Variants in NCBP2L observed in about 807,000 individuals in gnomAD.
The protein encoded by NCBP2L is nuclear cap-binding protein subunit 2-like.
For synonymous variants in NCBP2L, 39 were observed against 19.2 expected, an observed-to-expected ratio of 2.04 and a Z score of -2.70; for missense variants, 95 against 53.1, an observed-to-expected ratio of 1.79 and a Z score of -2.45.
chrX:107,783,912 A>G (rs1930362695), intron 1 of NCBP2L, among the ~76,000 whole-genome samples: 1 of 98,942 alleles, frequency 1.0e-5, no homozygotes, highest in African/African-American at 4.2e-5. Context: ...AGCACAGGCA[A>G]GTAAAGAGAC....
In NCBP2L at chrX:107,791,250, CT is replaced by C. The variant is rs904532189; in HGVS notation, c.-72-2887del. 2.6e-3 allele frequency among the ~76,000 whole-genome samples: 274 copies of C among 105,713 alleles called. 1 individual carries two copies. Among genetic ancestry groups the C allele is most frequent in the Middle Eastern group, 4.8e-3 (1 of 209 alleles). 91.8% of individuals were successfully genotyped at this position (105,713 alleles called of 115,157 possible). On this transcript the variant is annotated intron_variant, in intron 1 of 1. Transcript: ENST00000509000. ...TTGAAAGTAATACTTTACATTTATA[CT>C]TTTTTTTTTTTCTGAGACAGGGTCT...
At position 107,781,651 on chromosome X, in the gene NCBP2L, C is replaced by CTATCT. The variant is rs1405952181; in HGVS notation, c.-73+3793_-73+3794insTATCT. Among the ~76,000 whole-genome samples the CTATCT allele has an allele frequency of 7.5e-3, 489 of 65,190 alleles. 21 individuals are homozygous for CTATCT. Among genetic ancestry groups the CTATCT allele is most frequent in the African/African-American group, 0.038 (456 of 11,937 alleles). 56.6% of individuals were successfully genotyped at this position (65,190 alleles called of 115,157 possible). On this transcript the variant is annotated intron_variant, in intron 1 of 1. Transcript: ENST00000509000. Reference sequence around the variant, plus strand: ...TCATTCTATCTATCTATCTATCTATCATCTATCTATCTATCTATCTATCTA... The same window carrying CTATCT: ...TCATTCTATCTATCTATCTATCTATCTATCTATCTATCTATCTATCTATCTATCTA...
chrX:107,785,859 G>A, intron 1 of NCBP2L, among the ~76,000 whole-genome samples: 1 of 111,051 alleles, frequency 9.0e-6, no homozygotes. Context: ...GAGAATCCAG[G>A]TAAACTGCAG....
At chrX:107,782,272 T>C (rs867338085) in intron 1 of NCBP2L, among the ~76,000 whole-genome samples, 1 of 25,607 alleles carries the variant, frequency 3.9e-5, no homozygotes, top group Non-Finnish European at 5.1e-5. Flanking sequence ...AATATATATA[T>C]ATAAATATAT....
intron 1 of NCBP2L, among the ~76,000 whole-genome samples, chrX:107,783,123 T>C (rs1393065994): frequency 2.7e-5 from 3 of 110,090 alleles, no homozygotes; most frequent in African/African-American, 9.9e-5. Flanking sequence ...GGTAGATACC[T>C]AATAAATATC....
At chrX:107,792,341 CAA>C (rs35382213) in intron 1 of NCBP2L, among the ~76,000 whole-genome samples, 83 of 69,174 alleles carry the variant, frequency 1.2e-3, no homozygotes, top group African/African-American at 2.3e-3. Flanking sequence ...GTAACCAGAT[CAA>C]AAAAAAAAAA....
In NCBP2L at chrX:107,781,692, C is replaced by CTCTCTCTCTCTCTA. The variant is rs1395038482; in HGVS notation, c.-73+3835_-73+3836insCTCTCTCTCTCTAT. On this transcript the variant is annotated intron_variant, in intron 1 of 1. Transcript: ENST00000509000. ...TATCTATCTATCTCTCTCTCTCTCTCTATATATATATATATATAGATCTAT... is the reference window on the plus strand; with the variant it reads ...TATCTATCTATCTCTCTCTCTCTCTCTCTCTCTCTCTCTATATATATATATATATATAGATCTAT... Among the ~76,000 whole-genome samples the CTCTCTCTCTCTCTA allele has an allele frequency of 2.2e-3, 145 of 66,899 alleles. 1 individual carries two copies. Among genetic ancestry groups the CTCTCTCTCTCTCTA allele is most frequent in the Middle Eastern group, 9.3e-3 (1 of 108 alleles). 58.1% of individuals were successfully genotyped at this position (66,899 alleles called of 115,157 possible).
chrX:107,789,477 T>G (rs1930425382), intron 1 of NCBP2L, among the ~76,000 whole-genome samples: 1 of 111,565 alleles, frequency 9.0e-6, no homozygotes, highest in Non-Finnish European at 1.9e-5. Context: ...TATGGAATCT[T>G]TTCTAAAGTG....
intron 1 of NCBP2L, among the ~76,000 whole-genome samples, chrX:107,782,292 T>A (rs183411949): frequency 5.8e-5 from 2 of 34,302 alleles, no homozygotes; most frequent in African/African-American, 5.7e-4. Context: ...TATAAATATA[T>A]ATATATAAAT....
In NCBP2L at chrX:107,795,529, T is replaced by C. The variant is rs2147809527; in HGVS notation, c.*847T>C. The C allele has an allele frequency of 8.9e-6, 1 of 112,381 alleles. No homozygotes were observed. The highest frequency in any genetic ancestry group is 3.2e-5 in the African/African-American group (1 of 30,987). 9.3% of individuals were successfully genotyped at this position (112,381 alleles called of 1,213,427 possible). A position where few individuals can be genotyped will look rare whatever the true frequency, so the allele number is the denominator to read the frequency against. ...CATACAACTATTTCGTTTTTGACTT[T>C]CAGTATAGTATTCAACAAATTGCAT... On this transcript the variant is annotated 3_prime_UTR_variant, in exon 2 of 2. Transcript: ENST00000509000.
intron 1 of NCBP2L, among the ~76,000 whole-genome samples, chrX:107,782,340 TATATATATATAAATATATATATATATAA>T (rs1930331677): frequency 2.6e-5 from 1 of 38,058 alleles, no homozygotes; most frequent in African/African-American, 2.8e-4. Context: ...TATATATAAA[TATATATATATAAATATATATATATATAA>T]ATATATATAT....
intron 1 of NCBP2L, among the ~76,000 whole-genome samples, chrX:107,790,604 C>T (rs1301055511): frequency 9.0e-6 from 1 of 111,390 alleles, no homozygotes; most frequent in Non-Finnish European, 1.9e-5. Flanking sequence ...TGCCTTCATA[C>T]ACACTGTTCT....
Position 107,794,184 on chromosome X carries a change from C to A in NCBP2L, c.-37C>A. On this transcript the variant is annotated 5_prime_UTR_variant, in exon 2 of 2. Coordinates refer to ENST00000509000, the MANE Select transcript of NCBP2L (RefSeq NM_001348372.2). ...GTGGTGTCACTGCTGCCAAGCTGGA[C>A]CGAAAACGGCCATCGGCATGCTGCC... 1 of 496,677 alleles carries A rather than the reference C, an allele frequency of 2.0e-6. No homozygotes were observed. Among genetic ancestry groups the A allele is most frequent in the Non-Finnish European group, 3.6e-6 (1 of 275,182 alleles). 40.9% of individuals were successfully genotyped at this position (496,677 alleles called of 1,213,427 possible).
At chrX:107,784,561 T>C (rs1330613375) in intron 1 of NCBP2L, among the ~76,000 whole-genome samples, 1 of 110,288 alleles carries the variant, frequency 9.1e-6, no homozygotes, top group African/African-American at 3.3e-5. Flanking sequence ...TGTTCAGAAC[T>C]TTTCCCGATA....
intron 1 of NCBP2L, among the ~76,000 whole-genome samples, chrX:107,783,121 C>T (rs1930347192): frequency 9.1e-6 from 1 of 109,810 alleles, no homozygotes; most frequent in Non-Finnish European, 1.9e-5. Flanking sequence ...ATGGTAGATA[C>T]CTAATAAATA....
intron 1 of NCBP2L, among the ~76,000 whole-genome samples, chrX:107,789,297 T>C (rs1041242644): frequency 4.7e-5 from 5 of 107,355 alleles, no homozygotes; most frequent in Admixed American, 2.0e-4. Context: ...ACTTACTTCA[T>C]CAGTTATCCC....
chrX:107,780,376 A>G (rs759965826), intron 1 of NCBP2L, among the ~76,000 whole-genome samples: 2 of 110,887 alleles, frequency 1.8e-5, no homozygotes, highest in African/African-American at 3.3e-5. Context: ...TATTAGATGA[A>G]TGAGTCTTTA....
At chrX:107,789,021 C>T (rs1168616995) in intron 1 of NCBP2L, among the ~76,000 whole-genome samples, 1 of 111,031 alleles carries the variant, frequency 9.0e-6, no homozygotes, top group East Asian at 2.8e-4. Context: ...CTCCACTCTG[C>T]TTCACCAACT....
intron 1 of NCBP2L, among the ~76,000 whole-genome samples, chrX:107,781,703 T>TAG (rs1930283177): frequency 1.1e-5 from 1 of 92,271 alleles, no homozygotes; most frequent in African/African-American, 4.0e-5. Context: ...TATATATATA[T>TAG]ATATATAGAT....
Sources: allele counts gnomAD v4.1 joint callset (sites outside exome capture counted in the v4.1 genomes callset), GRCh38; gene constraint gnomAD v4.1.1; transcripts MANE v1.5; gene names NCBI Gene and HGNC (gene_info 2026-07-23, HGNC 2026-07-21).